Variants in CPNE5 observed in about 807,000 individuals in gnomAD.
CPNE5 encodes the protein copine 5.
A neutral mutation model predicts 81.1 loss-of-function variants in CPNE5; 42 were observed. That is an observed-to-expected ratio of 0.52 (90% CI 0.40 to 0.67). The LOEUF is 0.67. CPNE5 is among the 30% of genes least tolerant of loss of function. CPNE5 has a pLI of 0.00. For missense variants in CPNE5, 612 were observed against 815.5 expected (o/e 0.75, Z 3.04); for synonymous variants, 313 against 321.5 (o/e 0.97, Z 0.28).
chr6:36,765,697 T>C (rs236428), intron 10 of CPNE5, among the ~76,000 whole-genome samples: 126,819 of 152,226 alleles, frequency 0.83, 52,895 homozygotes, highest in Middle Eastern at 0.88. Flanking sequence ...AGCATGGAGC[T>C]GCACTGTGGA....
Position 36,764,499 on chromosome 6 carries a change from G to C in CPNE5, c.779+836C>G, listed in dbSNP as rs142459915. 3.3e-5 allele frequency among the ~76,000 whole-genome samples: 5 copies of C among 152,294 alleles called. No homozygotes were observed. The East Asian group carries it at 7.7e-4, about 24-fold the overall frequency. ...GTACCAGCGGACACTGGGGGACCTT[G>C]AAGTCCTCCTAAGTCACTCCTTGGT... On this transcript the variant is annotated intron_variant, in intron 11 of 20. Coordinates refer to ENST00000244751, the MANE Select transcript of CPNE5 (RefSeq NM_020939.2).
At chr6:36,744,551 G>A (rs887230243) in intron 18 of CPNE5, 8 of 585,460 alleles carry the variant, frequency 1.4e-5, no homozygotes, top group Non-Finnish European at 2.4e-5. Context: ...GAGGGTGGCA[G>A]GGGGAATGGG....
chr6:36,822,311 G>A (rs763865712), intron 2 of CPNE5, 151 bp from the exon 3 acceptor site: 3 of 520,348 alleles, frequency 5.8e-6, no homozygotes, highest in Non-Finnish European at 9.9e-6. Flanking sequence ...GTGTCTCCTG[G>A]GGTGGCTGAG....
At chr6:36,777,268 G>T (rs1274974309) in intron 9 of CPNE5, among the ~76,000 whole-genome samples, 1 of 151,116 alleles carries the variant, frequency 6.6e-6, no homozygotes, top group Non-Finnish European at 1.5e-5. Flanking sequence ...TCCTTCCCCT[G>T]CATTTCCACG....
Position 36,775,057 on chromosome 6 carries a change from A to G in CPNE5, c.641T>C (p.Ile214Thr). Reference protein sequence around the residue: ...YRSNEDGTFTICHKTEVMKNT... With the variant: ...YRSNEDGTFTTCHKTEVMKNT... ...CTTCATGACCTCGGTCTTGTGGCAA[A>G]TGGTGAACCTGGTGAAGAAGAAGAG... The change falls in exon 10 of 21, where the codon ATT becomes ACT. Residue 214 changes from isoleucine to threonine, a missense_variant. By Grantham distance (89) the Ile-to-Thr change is moderately conservative (BLOSUM62 -1). Coordinates refer to ENST00000244751, the MANE Select transcript of CPNE5 (RefSeq NM_020939.2). The G allele has an allele frequency of 1.2e-6, 2 of 1,613,978 alleles. No homozygotes were observed. The highest frequency in any genetic ancestry group is 1.7e-6 in the Non-Finnish European group (2 of 1,179,838).
chr6:36,794,466 G>T, intron 7 of CPNE5, 124 bp downstream of exon 7: 8 of 876,562 alleles, frequency 9.1e-6, no homozygotes, highest in Non-Finnish European at 1.4e-5. Flanking sequence ...AGGACTCTCT[G>T]TCCCCGGATC....
rs536904828 is a variant in CPNE5 at position 36,822,862 on chromosome 6, C to T, written c.136+196G>A. The stretch of plus-strand genomic sequence containing the variant: ...CTCTGTTGTGTTGAGGCTTCACAAG[C>T]GTGCAGGCTGGGAAGGGTCAAATCT... On this transcript the variant is annotated intron_variant, in intron 2 of 20. Coordinates refer to ENST00000244751, the MANE Select transcript of CPNE5 (RefSeq NM_020939.2). Among the ~76,000 whole-genome samples the T allele has an allele frequency of 5.3e-5, 8 of 152,188 alleles. No individual in the cohort carries two copies. The East Asian group carries it at 5.8e-4, about 11-fold the overall frequency.
intron 13 of CPNE5, chr6:36,755,563 A>C (rs1765350654): frequency 6.6e-6 from 1 of 150,860 alleles, no homozygotes; most frequent in African/African-American, 2.4e-5. Context: ...CTCCCACTAG[A>C]ATATAAGCAC....
In CPNE5 at chr6:36,766,592, C is replaced by G. The variant is rs548316853; in HGVS notation, c.738-1216G>C. Reference sequence around the variant, plus strand: ...GGAAAGGAAAAAAAAATCACCTAAGCCCCTGAAGGTGGGTTGATGAGCTGG... The same window carrying G: ...GGAAAGGAAAAAAAAATCACCTAAGGCCCTGAAGGTGGGTTGATGAGCTGG... On this transcript the variant is annotated intron_variant, in intron 10 of 20. Transcript: ENST00000244751. The surrounding 1 kb of genome is among the most constrained non-coding windows in gnomAD (Gnocchi z 4.2). Among the ~76,000 whole-genome samples the G allele has an allele frequency of 1.6e-3, 250 of 152,270 alleles. No individual in the cohort carries two copies. Among genetic ancestry groups the G allele is most frequent in the Middle Eastern group, 3.4e-3 (1 of 292 alleles).
At chr6:36,745,666 C>A in intron 16 of CPNE5, 151 bp from the exon 17 acceptor site, 7 of 843,664 alleles carry the variant, frequency 8.3e-6, no homozygotes, top group Non-Finnish European at 1.3e-5. Context: ...AGGGAGCTCC[C>A]AGGGCCCATC....
chr6:36,779,005 G>GC, intron 8 of CPNE5, 48 bp from the exon 9 acceptor site: 1 of 1,318,548 alleles, frequency 7.6e-7, no homozygotes, highest in South Asian at 1.2e-5. Flanking sequence ...GAAAGTGGAA[G>GC]CACAGCTCCC....
At chr6:36,837,837 G>A (rs1449261549) in intron 1 of CPNE5, among the ~76,000 whole-genome samples, 7 of 152,128 alleles carry the variant, frequency 4.6e-5, no homozygotes. Context: ...GGGAGTGCCA[G>A]GCGCAGGGAT....
chr6:36,785,823 G>A (rs1398857746), intron 8 of CPNE5, among the ~76,000 whole-genome samples: 1 of 152,100 alleles, frequency 6.6e-6, no homozygotes, highest in Non-Finnish European at 1.5e-5. Flanking sequence ...AATCAGCCTG[G>A]CCAACATGGT....
At chr6:36,830,050 T>C (rs1318674705) in intron 1 of CPNE5, among the ~76,000 whole-genome samples, 1 of 152,082 alleles carries the variant, frequency 6.6e-6, no homozygotes, top group African/African-American at 2.4e-5. Context: ...TGACACTCTA[T>C]TTACCCTCCA....
At chr6:36,826,938 G>A (rs578092971) in intron 1 of CPNE5, among the ~76,000 whole-genome samples, 3 of 152,254 alleles carry the variant, frequency 2.0e-5, no homozygotes, top group South Asian at 2.1e-4. Flanking sequence ...GTGGAGATTC[G>A]ATATGTGGAG....
chr6:36,742,326 G>A lies in CPNE5; in HGVS notation c.1724C>T (p.Ser575Leu), dbSNP rs767465267. ...CGTGCGGGCTGGGGACTGCGAGGGC[G>A]AGTGGGTTGGTGCTGCGGGTGGGGG... Reference protein sequence around the residue: ...PRPPPAAPTHSPSQSPARTPP... With the variant: ...PRPPPAAPTHLPSQSPARTPP... The change falls in exon 21 of 21, where the codon TCG (serine) becomes TTG (leucine). Residue 575 changes from serine (S) to leucine (L), a missense_variant. Physicochemically the swap from Ser to Leu is moderately radical, Grantham distance 145. Transcript: ENST00000244751. 9.3e-6 allele frequency: 15 copies of A among 1,611,578 alleles called. No homozygotes were observed. Among genetic ancestry groups the A allele is most frequent in the African/African-American group, 5.3e-5 (4 of 74,936 alleles).
rs1337973748 is a variant in CPNE5 at position 36,748,263 on chromosome 6, G to T, written c.976C>A (p.Gln326Lys). Residue 326 changes from glutamine (Q) to lysine (K), a missense_variant, in exon 15 of 21, where the codon CAG becomes AAG. By Grantham distance (53) the Gln-to-Lys change is moderately conservative. Transcript: ENST00000244751. ...TCAATGGCCACAGTGAAGTTGATCTGGGTCCTAGAAGAGGGAGAACAGCAG... is the reference window on the plus strand; with the variant it reads ...TCAATGGCCACAGTGAAGTTGATCTTGGTCCTAGAAGAGGGAGAACAGCAG... ...TFLDYIKGGT[Q>K]INFTVAIDFT... The T allele has an allele frequency of 5.0e-6, 8 of 1,613,998 alleles. No homozygotes were observed. Among genetic ancestry groups the T allele is most frequent in the Non-Finnish European group, 5.9e-6 (7 of 1,179,980 alleles).
At chr6:36,826,830 C>A (rs1362174388) in intron 1 of CPNE5, among the ~76,000 whole-genome samples, 2 of 152,250 alleles carry the variant, frequency 1.3e-5, no homozygotes, top group African/African-American at 4.8e-5. Context: ...AGTGCATGGG[C>A]TCTGCAGTCA....
chr6:36,771,679 A>G (rs1010160857), intron 10 of CPNE5, among the ~76,000 whole-genome samples: 5 of 152,096 alleles, frequency 3.3e-5, no homozygotes, highest in Non-Finnish European at 5.9e-5. Flanking sequence ...AATTAAATCA[A>G]CTACGTTCTG....
Sources: gnomAD v4.1 joint callset for allele counts (sites outside exome capture counted in the v4.1 genomes callset) on GRCh38, gnomAD v4.1.1 for gene constraint, Gnocchi (gnomAD v3.1) non-coding constraint, MANE v1.5 for transcripts, NCBI Gene and HGNC (gene_info 2026-07-23, HGNC 2026-07-21) for gene names.